RBFOX1: variants seen among roughly 807,000 people sequenced by gnomAD.
RBFOX1 encodes RNA binding protein fox-1 homolog 1.
Under a neutral mutation model 57.7 loss-of-function variants are expected in RBFOX1, and 8 were observed. The ratio of observed to expected loss-of-function variants is 0.14; its 90% CI spans 0.08 to 0.25. RBFOX1 has a LOEUF of 0.25. Ranked by LOEUF, RBFOX1 falls within the 10% of genes least tolerant of loss-of-function variation. The pLI, the probability that RBFOX1 is intolerant of heterozygous loss-of-function variation, is 1.00. For missense variants in RBFOX1, 611 were observed against 548.5 expected (o/e 1.11, Z -1.14); for synonymous variants, 326 against 222.4 (o/e 1.47, Z -4.15).
intron 2 of RBFOX1, among the ~76,000 whole-genome samples, chr16:6,582,474 T>TTTC (rs1555574131): frequency 2.0e-5 from 3 of 150,308 alleles, no homozygotes; most frequent in Non-Finnish European, 3.0e-5. Context: ...TTTTTTTTTT[T>TTTC]CAATTTTTAG....
intron 1 of RBFOX1, among the ~76,000 whole-genome samples, chr16:6,085,783 C>G (rs545292756): frequency 6.6e-6 from 1 of 152,150 alleles, no homozygotes. Flanking sequence ...TAATTTTTTC[C>G]GAACTCCATC....
chr16:6,844,544 T>C (rs2093659006), intron 3 of RBFOX1, among the ~76,000 whole-genome samples: 2 of 152,184 alleles, frequency 1.3e-5, no homozygotes, highest in African/African-American at 2.4e-5. Context: ...TAGTATTCCA[T>C]GGTGTATATG....
chr16:7,568,417 C>G (rs573983265), intron 5 of RBFOX1, among the ~76,000 whole-genome samples: 16 of 152,050 alleles, frequency 1.1e-4, no homozygotes, highest in Non-Finnish European at 2.1e-4. Flanking sequence ...GGGAGTGTCT[C>G]TTAGCAGGCT....
At chr16:5,327,018 C>G (rs1398017034) in intron 1 of RBFOX1, among the ~76,000 whole-genome samples, 1 of 152,176 alleles carries the variant, frequency 6.6e-6, no homozygotes, top group Non-Finnish European at 1.5e-5. Context: ...AGGTATTGAT[C>G]ATTAGATTTT....
Position 6,814,529 on chromosome 16 carries a change from C to A in RBFOX1, c.-16+159879C>A, listed in dbSNP as rs185384868. On this transcript the variant is annotated intron_variant, in intron 3 of 15. Transcript: ENST00000550418. Reference sequence around the variant, plus strand: ...CAGGCATTGATCAAATTAATAATGACAATCCTTAGTATGTGCTGTGAAGGG... The same window carrying A: ...CAGGCATTGATCAAATTAATAATGAAAATCCTTAGTATGTGCTGTGAAGGG... Among the ~76,000 whole-genome samples, 185 of 152,194 alleles carry A rather than the reference C, an allele frequency of 1.2e-3. 1 individual carries two copies. The highest frequency in any genetic ancestry group is 4.8e-3 in the Admixed American group (74 of 15,298).
At chr16:5,600,344 A>T (rs548358158), downstream of RBFOX1, among the ~76,000 whole-genome samples, 1 of 150,264 alleles carries the variant, frequency 6.7e-6, no homozygotes, top group African/African-American at 2.4e-5. Flanking sequence ...AAATTAGCTG[A>T]GCGTGGTGTT....
chr16:6,762,397 C>T (rs1422437233), intron 3 of RBFOX1, among the ~76,000 whole-genome samples: 1 of 151,916 alleles, frequency 6.6e-6, no homozygotes, highest in South Asian at 2.1e-4. Context: ...TAAATATTAG[C>T]AAACAGTACT....
rs73518257 is a variant in RBFOX1 at position 5,965,087 on chromosome 16, G to A, written c.351+97752G>A. Among the ~76,000 whole-genome samples, 1,487 of 152,040 alleles carry A rather than the reference G, an allele frequency of 9.8e-3. 25 individuals are homozygous for A. Among genetic ancestry groups the A allele is most frequent in the African/African-American group, 0.034 (1,402 of 41,476 alleles). On this transcript the variant is annotated intron_variant, in intron 4 of 19. Coordinates refer to the RBFOX1 transcript ENST00000641259. ...CTTATACGTAGAATCTAAAAATGTC[G>A]AACCCATAGAAACAGAGGGTAAAAT...
chr16:7,152,489 A>G lies in RBFOX1; in HGVS notation c.27+100391A>G, dbSNP rs112201991. 5.2e-3 allele frequency among the ~76,000 whole-genome samples: 796 copies of G among 152,280 alleles called. 2 individuals are homozygous for G. Among genetic ancestry groups the G allele is most frequent in the Middle Eastern group, 0.017 (5 of 294 alleles). On this transcript the variant is annotated intron_variant, in intron 4 of 15. Transcript: ENST00000550418. Reference sequence around the variant, plus strand: ...CATTAAAGATTTTATTTCAACTAGGATCTTTAAAAATTGTGGCCTTATGGT... The same window carrying G: ...CATTAAAGATTTTATTTCAACTAGGGTCTTTAAAAATTGTGGCCTTATGGT...
chr16:5,748,990 T>C (rs1450256670), intron 3 of RBFOX1, among the ~76,000 whole-genome samples: 5 of 152,196 alleles, frequency 3.3e-5, no homozygotes, highest in Admixed American at 1.3e-4. Context: ...ATTTGGCATG[T>C]TTTTGCAGTG....
chr16:5,841,992 C>T (rs1199547629), intron 3 of RBFOX1, among the ~76,000 whole-genome samples: 1 of 152,234 alleles, frequency 6.6e-6, no homozygotes, highest in South Asian at 2.1e-4. Flanking sequence ...AGGCACACCA[C>T]GCCCCATCCT....
chr16:7,153,727 C>CA (rs113270300), intron 4 of RBFOX1, among the ~76,000 whole-genome samples: 11,515 of 128,696 alleles, frequency 0.089, 674 homozygotes, highest in East Asian at 0.14. Flanking sequence ...GACAGTGTCT[C>CA]AAAAAAAAAA....
At chr16:6,456,794 A>G (rs1435232412) in intron 2 of RBFOX1, among the ~76,000 whole-genome samples, 1 of 152,186 alleles carries the variant, frequency 6.6e-6, no homozygotes, top group Non-Finnish European at 1.5e-5. Context: ...TTGTACATGA[A>G]GAATGAAGTT....
intron 5 of RBFOX1, among the ~76,000 whole-genome samples, chr16:7,546,721 C>G (rs546103342): frequency 6.6e-6 from 1 of 152,306 alleles, no homozygotes; most frequent in Non-Finnish European, 1.5e-5. Context: ...TTTGTTTTCT[C>G]TGATGGCTTC....
At chr16:5,992,307 A>G (rs141091299) in intron 4 of RBFOX1, among the ~76,000 whole-genome samples, 4 of 152,362 alleles carry the variant, frequency 2.6e-5, no homozygotes, top group East Asian at 1.9e-4. Context: ...AGGGAAAAAA[A>G]GGTTAACATT....
At chr16:7,179,755 G>T (rs902006905) in intron 4 of RBFOX1, among the ~76,000 whole-genome samples, 3 of 151,930 alleles carry the variant, frequency 2.0e-5, no homozygotes, top group Non-Finnish European at 1.5e-5. Context: ...TTTTGTTTGA[G>T]ATGGAGTCTT....
At chr16:5,707,446 T>C (rs913246151) in intron 3 of RBFOX1, among the ~76,000 whole-genome samples, 2 of 152,186 alleles carry the variant, frequency 1.3e-5, no homozygotes, top group African/African-American at 4.8e-5. Context: ...ATGAAGGCGG[T>C]TGGACCCAGA....
At chr16:6,421,408 G>C (rs557946956) in intron 2 of RBFOX1, among the ~76,000 whole-genome samples, 2 of 152,176 alleles carry the variant, frequency 1.3e-5, no homozygotes, top group Non-Finnish European at 2.9e-5. Flanking sequence ...TGAGGACCAC[G>C]CGATTTTATT....
chr16:6,380,445 T>G (rs2091688862), intron 2 of RBFOX1, among the ~76,000 whole-genome samples: 1 of 97,240 alleles, frequency 1.0e-5, no homozygotes, highest in African/African-American at 4.5e-5. Flanking sequence ...TTTTTTTTTT[T>G]TAGTAGAACT....
Sources: gnomAD v4.1 joint callset for allele counts (sites outside exome capture counted in the v4.1 genomes callset) on GRCh38, gnomAD v4.1.1 for gene constraint, MANE v1.5 for transcripts, NCBI Gene and HGNC (gene_info 2026-07-23, HGNC 2026-07-21) for gene names.